TBC1D1: variants seen among roughly 807,000 people sequenced by gnomAD.
The protein encoded by TBC1D1 is TBC1 (tre-2/USP6, BUB2, cdc16) domain family, member 1.
TBC1D1 carries 89 observed loss-of-function variants against 125.6 expected under a neutral mutation model. That is an observed-to-expected ratio of 0.71 (90% CI 0.60 to 0.85). The LOEUF is 0.85. Ranked by LOEUF, TBC1D1 falls within the 40% of genes least tolerant of loss-of-function variation. The probability of loss-of-function intolerance (pLI) is 0.00; values close to 1 mark genes in which losing one functional copy is unlikely to be tolerated. For synonymous variants in TBC1D1, 565 were observed against 564.1 expected (o/e 1.00, Z -0.02); for missense variants, 1,377 against 1,469.2 (o/e 0.94, Z 1.03).
chr4:38,056,869 A>G (rs1338632626), intron 12 of TBC1D1, among the ~76,000 whole-genome samples: 1 of 152,166 alleles, frequency 6.6e-6, no homozygotes, highest in Non-Finnish European at 1.5e-5. Flanking sequence ...GTTTGTACCT[A>G]TAAAGTATTC....
In TBC1D1 at chr4:38,035,622, AATTG is replaced by A. The variant is rs778703565; in HGVS notation, c.1341_1344del (p.Ile448PhefsTer4). ...CCGAGAAATGAGCAGCGAGAGAATG[AATTG>A]ATTATTTCTTTTCTGAGATGTTTAT... On this transcript the variant is annotated frameshift_variant, in exon 8 of 20. Coordinates refer to ENST00000261439, the MANE Select transcript of TBC1D1 (RefSeq NM_015173.4). LOFTEE classifies it high-confidence loss of function. 60 of 1,613,876 alleles carry A rather than the reference AATTG, an allele frequency of 3.7e-5. No individual in the cohort carries two copies. Among genetic ancestry groups the A allele is most frequent in the Non-Finnish European group, 4.9e-5 (58 of 1,179,944 alleles).
chr4:37,991,243 A>G (rs1018283958), intron 2 of TBC1D1, among the ~76,000 whole-genome samples: 1 of 148,032 alleles, frequency 6.8e-6, no homozygotes, highest in African/African-American at 2.5e-5. Flanking sequence ...CTGACTATAC[A>G]CTGTTAACTT....
intron 15 of TBC1D1, among the ~76,000 whole-genome samples, chr4:38,109,996 A>T (rs1392145030): frequency 6.6e-6 from 1 of 152,222 alleles, no homozygotes; most frequent in African/African-American, 2.4e-5. Context: ...CTGGTTTGCC[A>T]GTACCACTCC....
chr4:37,894,509 G>C (rs1218683393), intron 1 of TBC1D1, among the ~76,000 whole-genome samples: 1 of 152,154 alleles, frequency 6.6e-6, no homozygotes, highest in Non-Finnish European at 1.5e-5. Flanking sequence ...TGTCTCCTTT[G>C]AGATGAGCAA....
intron 17 of TBC1D1, 85 bp downstream of exon 19, chr4:38,118,277 T>C: frequency 6.8e-7 from 1 of 1,464,034 alleles, no homozygotes; most frequent in South Asian, 1.2e-5. Context: ...GTGATTCTTA[T>C]TTTTATACCT....
intron 6 of TBC1D1, 141 bp from the exon 7 acceptor site, chr4:38,027,642 AAAAAT>A (rs2152445704): frequency 2.0e-6 from 1 of 504,554 alleles, no homozygotes; most frequent in South Asian, 3.2e-5. Context: ...TGTCAAAAAA[AAAAAT>A]AAAATATTTT....
chr4:37,960,468 G>T (rs1729762517), intron 2 of TBC1D1: 1 of 1,613,798 alleles, frequency 6.2e-7, no homozygotes, highest in Non-Finnish European at 8.5e-7. Context: ...TAAGGAAATT[G>T]GAGAACCAGG....
At chr4:38,070,640 A>G (rs1043969596) in intron 12 of TBC1D1, among the ~76,000 whole-genome samples, 3 of 152,222 alleles carry the variant, frequency 2.0e-5, no homozygotes, top group Admixed American at 2.0e-4. Flanking sequence ...CATTTTTTCT[A>G]TAAAAATTAT....
intron 2 of TBC1D1, chr4:38,007,052 TA>T (rs1430312610): frequency 7.7e-6 from 3 of 390,896 alleles, no homozygotes; most frequent in Non-Finnish European, 1.5e-5. Flanking sequence ...CTTCACCAAA[TA>T]GCTGAGCACT....
intron 12 of TBC1D1, among the ~76,000 whole-genome samples, chr4:38,076,293 T>C (rs1423548428): frequency 6.6e-6 from 1 of 152,186 alleles, no homozygotes; most frequent in Non-Finnish European, 1.5e-5. Context: ...GAGAACAGGA[T>C]GGGGGAAACT....
intron 6 of TBC1D1, among the ~76,000 whole-genome samples, chr4:38,023,008 A>G (rs1317367806): frequency 6.6e-6 from 1 of 152,126 alleles, no homozygotes; most frequent in African/African-American, 2.4e-5. Flanking sequence ...CTTCAGGCCA[A>G]GAGTTCGAGA....
chr4:38,012,008 T>A (rs1376987946), intron 2 of TBC1D1, among the ~76,000 whole-genome samples: 1 of 152,188 alleles, frequency 6.6e-6, no homozygotes. Context: ...ACTGCTCACT[T>A]CAGATGCAGC....
chr4:38,015,508 G>A (rs1357431429), intron 3 of TBC1D1, among the ~76,000 whole-genome samples: 1 of 151,294 alleles, frequency 6.6e-6, no homozygotes, highest in Non-Finnish European at 1.5e-5. Flanking sequence ...ACAGCCAAAT[G>A]CTAGAAAAGG....
At chr4:38,036,513 C>CT (rs1298821676) in intron 8 of TBC1D1, among the ~76,000 whole-genome samples, 1 of 152,150 alleles carries the variant, frequency 6.6e-6, no homozygotes. Flanking sequence ...AGTATGTTCC[C>CT]TTTTTCTTTT....
At chr4:37,983,485 A>G (rs12644937) in intron 2 of TBC1D1, among the ~76,000 whole-genome samples, 58,629 of 152,020 alleles carry the variant, frequency 0.39, 12,346 homozygotes, top group East Asian at 0.87. Flanking sequence ...CACTGTGCCC[A>G]GCTTTTTCTT....
At chr4:38,134,179 C>T (rs552640370) in intron 19 of TBC1D1, among the ~76,000 whole-genome samples, 2 of 152,250 alleles carry the variant, frequency 1.3e-5, no homozygotes, top group African/African-American at 4.8e-5. Flanking sequence ...CCATTCTGAT[C>T]TAAGCCTCTG....
intron 2 of TBC1D1, among the ~76,000 whole-genome samples, chr4:37,922,393 G>GT (rs1452317929): frequency 3.3e-5 from 5 of 152,140 alleles, no homozygotes; most frequent in African/African-American, 1.2e-4. Flanking sequence ...TTTTCATTGT[G>GT]TAACTCTAAC....
In TBC1D1 at chr4:38,137,202, T is replaced by C; in HGVS notation, c.3374T>C (p.Leu1125Pro). 1.2e-6 allele frequency: 2 copies of C among 1,613,152 alleles called. No individual in the cohort carries two copies. The highest frequency in any genetic ancestry group is 1.7e-6 in the Non-Finnish European group (2 of 1,180,024). ...AAGCTCCTGAGCAGTGAGAGCAAGC[T>C]GAAGCAGGCCATGCTTACCTTAGAA... The change falls in exon 20 of 20, where the codon CTG (leucine) becomes CCG (proline). Residue 1125 changes from leucine to proline, a missense_variant. Physicochemically the swap from Leu to Pro is moderately conservative, Grantham distance 98. Around this residue, in one of 3 missense-constraint regions of TBC1D1, gnomAD observed 543 missense variants for 613.5 expected, o/e 0.89. Transcript: ENST00000261439.
At chr4:38,027,666 C>T in intron 6 of TBC1D1, 122 bp from the exon 7 acceptor site, 2 of 527,340 alleles carry the variant, frequency 3.8e-6, no homozygotes, top group Admixed American at 3.6e-5. Flanking sequence ...TTTTTATTTC[C>T]TAAAACCTTG....
Sources: gnomAD v4.1 joint callset for allele counts (sites outside exome capture counted in the v4.1 genomes callset) on GRCh38, gnomAD v4.1.1 for gene constraint, gnomAD v4.1.1 regional missense constraint, MANE v1.5 for transcripts, NCBI Gene and HGNC (gene_info 2026-07-23, HGNC 2026-07-21) for gene names.